The following ARHGEF28 variants were observed in gnomAD, a reference collection of about 807,000 sequenced individuals.
The protein encoded by ARHGEF28 is 190 kDa guanine nucleotide exchange factor.
A neutral mutation model predicts 206.6 loss-of-function variants in ARHGEF28; 152 were observed. The ratio of observed to expected loss-of-function variants is 0.74; its 90% CI spans 0.64 to 0.84. The LOEUF is 0.84. Among genes scored for constraint, ARHGEF28 ranks in the 40% least tolerant of loss-of-function variants. ARHGEF28 has a pLI of 0.00. For synonymous variants in ARHGEF28, 763 were observed against 776.4 expected, an observed-to-expected ratio of 0.98 and a Z score of 0.29; for missense variants, 2,028 against 2,073.2, an observed-to-expected ratio of 0.98 and a Z score of 0.42.
intron 29 of ARHGEF28, among the ~76,000 whole-genome samples, chr5:73,896,363 GGTGGT>G (rs1761960444): frequency 6.6e-6 from 1 of 152,150 alleles, no homozygotes; most frequent in South Asian, 2.1e-4. Context: ...CGTTAGATGA[GGTGGT>G]GTGGGCCAGG....
At chr5:73,628,617 A>G (rs1007993837) in intron 1 of ARHGEF28, among the ~76,000 whole-genome samples, 3 of 152,210 alleles carry the variant, frequency 2.0e-5, no homozygotes, top group African/African-American at 7.2e-5. Context: ...GCCCCCGCCC[A>G]TAACCTTAAA....
chr5:73,630,802 A>C (rs1183311179), intron 1 of ARHGEF28, among the ~76,000 whole-genome samples: 1 of 152,212 alleles, frequency 6.6e-6, no homozygotes, highest in African/African-American at 2.4e-5. Context: ...CTCAGTCTTG[A>C]TGAATTGAAT....
chr5:73,648,695 G>A (rs1239898844), intron 1 of ARHGEF28, among the ~76,000 whole-genome samples: 3 of 152,158 alleles, frequency 2.0e-5, no homozygotes, highest in Non-Finnish European at 4.4e-5. Context: ...TTCCTGGGCT[G>A]GCCCCTGAGA....
At chr5:73,711,898 GTC>G (rs1016847701) in intron 2 of ARHGEF28, among the ~76,000 whole-genome samples, 7 of 150,980 alleles carry the variant, frequency 4.6e-5, no homozygotes, top group African/African-American at 1.7e-4. Context: ...AAAGCATTTA[GTC>G]TCTCACTGTT....
Position 73,812,162 on chromosome 5 carries a change from G to A in ARHGEF28, c.1024+16771G>A, listed in dbSNP as rs966722797. Among the ~76,000 whole-genome samples, 11 of 152,210 alleles carry A rather than the reference G, an allele frequency of 7.2e-5. No individual in the cohort carries two copies. The South Asian group carries it at 1.9e-3, about 26-fold the overall frequency. On this transcript the variant is annotated intron_variant, in intron 9 of 35. Transcript: ENST00000513042. ...GATTTTGATTTAAATTTGAAATTAA[G>A]TGGTCTCTCCCCTTTCTCCTCTTCT...
intron 35 of ARHGEF28, among the ~76,000 whole-genome samples, chr5:73,937,653 A>T (rs1207345731): frequency 1.3e-5 from 2 of 152,192 alleles, no homozygotes; most frequent in Non-Finnish European, 2.9e-5. Flanking sequence ...ATGTTATTAC[A>T]TTTTTATGTC....
chr5:73,901,600 C>T lies in ARHGEF28; in HGVS notation c.4074+316C>T, dbSNP rs111414478. The T allele has an allele frequency of 0.04, 6,573 of 165,576 alleles. 209 individuals carry two copies. Among genetic ancestry groups the T allele is most frequent in the Non-Finnish European group, 0.057 (4,331 of 76,422 alleles). 10.3% of individuals were successfully genotyped at this position (165,576 alleles called of 1,614,324 possible). A position where few individuals can be genotyped will look rare whatever the true frequency, so the allele number is the denominator to read the frequency against. On this transcript the variant is annotated intron_variant, in intron 31 of 35. Coordinates refer to ENST00000513042, the MANE Select transcript of ARHGEF28 (RefSeq NM_001177693.2). ...CCTGCAAACCTTTGCTTCTCACCCA[C>T]TATGTCTGGCAGCTCTGGCACCCGG...
chr5:73,883,466 TA>T (rs1056835186), intron 23 of ARHGEF28, among the ~76,000 whole-genome samples: 29 of 152,324 alleles, frequency 1.9e-4, no homozygotes, highest in African/African-American at 7.0e-4. Flanking sequence ...GATTTATGAT[TA>T]TTTTTCAAAA....
intron 29 of ARHGEF28, among the ~76,000 whole-genome samples, chr5:73,896,944 T>A (rs1761992729): frequency 6.6e-6 from 1 of 152,166 alleles, no homozygotes; most frequent in Non-Finnish European, 1.5e-5. Context: ...CCACCCTGGG[T>A]CACTGACCAT....
intron 35 of ARHGEF28, among the ~76,000 whole-genome samples, chr5:73,913,293 G>A (rs557677247): frequency 1.3e-5 from 2 of 152,260 alleles, no homozygotes; most frequent in African/African-American, 4.8e-5. Flanking sequence ...CATCAGAAAT[G>A]CTGTGTGTAC....
chr5:73,744,544 T>A (rs1751616469), intron 2 of ARHGEF28, among the ~76,000 whole-genome samples: 1 of 151,736 alleles, frequency 6.6e-6, no homozygotes, highest in Non-Finnish European at 1.5e-5. Context: ...CTGTATAGAT[T>A]TTTTTTTCTT....
At chr5:73,917,358 G>A (rs567571339) in intron 35 of ARHGEF28, among the ~76,000 whole-genome samples, 1 of 152,328 alleles carries the variant, frequency 6.6e-6, no homozygotes, top group Non-Finnish European at 1.5e-5. Context: ...TCTATATCAT[G>A]ACAAAAATAT....
intron 4 of ARHGEF28, among the ~76,000 whole-genome samples, chr5:73,768,257 A>G (rs1753018753): frequency 6.6e-6 from 1 of 151,940 alleles, no homozygotes; most frequent in African/African-American, 2.4e-5. Flanking sequence ...TGGAGCTGTG[A>G]GAAGAGGGCC....
At chr5:73,645,086 T>A (rs955151965) in intron 1 of ARHGEF28, among the ~76,000 whole-genome samples, 2 of 152,232 alleles carry the variant, frequency 1.3e-5, no homozygotes, top group African/African-American at 4.8e-5. Context: ...GTAGGTCAGA[T>A]TTGATCGTTT....
chr5:73,930,852 C>T (rs567907820), intron 35 of ARHGEF28, among the ~76,000 whole-genome samples: 1 of 152,240 alleles, frequency 6.6e-6, no homozygotes, highest in African/African-American at 2.4e-5. Context: ...CTTTAGGGTC[C>T]TCTGTACTTC....
At chr5:73,854,068 TG>T (rs1239174235) in intron 14 of ARHGEF28, among the ~76,000 whole-genome samples, 1 of 152,180 alleles carries the variant, frequency 6.6e-6, no homozygotes, top group East Asian at 1.9e-4. Flanking sequence ...TAATCTTTCT[TG>T]GTCCACATCC....
At chr5:73,869,967 T>G in intron 20 of ARHGEF28, 102 bp from the exon 21 acceptor site, 5 of 1,372,842 alleles carry the variant, frequency 3.6e-6, no homozygotes, top group Non-Finnish European at 5.0e-6. Context: ...TCCATGTTCA[T>G]AGCAGATTTA....
At chr5:73,689,903 A>G (rs960929892) in intron 2 of ARHGEF28, among the ~76,000 whole-genome samples, 3 of 152,202 alleles carry the variant, frequency 2.0e-5, no homozygotes, top group African/African-American at 7.2e-5. Flanking sequence ...GGTGAAGCTA[A>G]TGAGAAGTGC....
rs761266676 is a variant in ARHGEF28 at position 73,882,507 on chromosome 5, A to G, written c.2850A>G (p.Ile950Met). 4.1e-6 allele frequency: 6 copies of G among 1,481,220 alleles called. No individual in the cohort carries two copies. The highest frequency in any genetic ancestry group is 4.0e-5 in the South Asian group (3 of 75,776). 91.8% of individuals were successfully genotyped at this position (1,481,220 alleles called of 1,614,324 possible). The change falls in exon 23 of 36, where the codon ATA becomes ATG. Residue 950 changes from isoleucine (I) to methionine (M), a missense_variant. This residue lies in a region of ARHGEF28 where 223 missense variants were observed against 289.9 expected (regional missense o/e 0.77). Coordinates refer to ENST00000513042, the MANE Select transcript of ARHGEF28 (RefSeq NM_001177693.2). The part of the protein sequence containing the change: ...SEENASKMKK[I>M]YGEFCCHHKE... ...AAAATGCAAGTAAAATGAAGAAAAT[A>G]TATGGAGAATTCTGTTGCCATCATA...
Sources: allele counts gnomAD v4.1 joint callset (sites outside exome capture counted in the v4.1 genomes callset), GRCh38; gene constraint gnomAD v4.1.1; regional missense constraint gnomAD v4.1.1; transcripts MANE v1.5; gene names NCBI Gene and HGNC (gene_info 2026-07-23, HGNC 2026-07-21).